The following ARFIP1 variants were observed in gnomAD, a reference collection of about 807,000 sequenced individuals.
ARFIP1 encodes ARF interacting protein 1, also known as arfaptin-1.
In ARFIP1, 24 loss-of-function variants were observed where a neutral mutation model predicts 42.5. The observed-to-expected ratio is 0.57, with a 90% CI of 0.41 to 0.80. The LOEUF (loss-of-function observed/expected upper bound fraction) is 0.80, where lower values mean the gene tolerates loss of function less well. ARFIP1 is among the 30% of genes least tolerant of loss of function. The pLI, the probability that ARFIP1 is intolerant of heterozygous loss-of-function variation, is 0.00. For synonymous variants in ARFIP1, 141 were observed against 153.7 expected (o/e 0.92, Z 0.61); for missense variants, 354 against 434.0 (o/e 0.82, Z 1.64).
chr4:152,841,500 G>T (rs557176566), intron 2 of ARFIP1, among the ~76,000 whole-genome samples: 4 of 152,170 alleles, frequency 2.6e-5, no homozygotes, highest in South Asian at 4.1e-4. Flanking sequence ...TATGATTTAT[G>T]CTTTAAAGAG....
chr4:152,793,503 C>G (rs1731254835), intron 1 of ARFIP1, among the ~76,000 whole-genome samples: 1 of 151,828 alleles, frequency 6.6e-6, no homozygotes, highest in South Asian at 2.1e-4. Flanking sequence ...ACCCACATAC[C>G]TGAAACTGTG....
chr4:152,860,373 AT>A (rs1733792406), intron 2 of ARFIP1, among the ~76,000 whole-genome samples: 1 of 151,930 alleles, frequency 6.6e-6, no homozygotes, highest in Admixed American at 6.5e-5. Flanking sequence ...GCTAGGTATT[AT>A]TTTTTTGAAA....
intron 2 of ARFIP1, among the ~76,000 whole-genome samples, chr4:152,852,546 T>C (rs1733079787): frequency 6.6e-6 from 1 of 152,070 alleles, no homozygotes; most frequent in South Asian, 2.1e-4. Flanking sequence ...GGCAGGAGAA[T>C]TGCTTGAACC....
chr4:152,790,953 A>T (rs534371572), intron 1 of ARFIP1, among the ~76,000 whole-genome samples: 1 of 151,062 alleles, frequency 6.6e-6, no homozygotes, highest in South Asian at 2.1e-4. Context: ...GCCCAGGCTG[A>T]TCTTGAACTC....
intron 1 of ARFIP1, among the ~76,000 whole-genome samples, chr4:152,817,485 G>A (rs1188863057): frequency 2.0e-5 from 3 of 152,106 alleles, no homozygotes; most frequent in Non-Finnish European, 2.9e-5. Flanking sequence ...AGACCTAAAT[G>A]TAGACCTAAG....
intron 2 of ARFIP1, 131 bp downstream of exon 2, chr4:152,829,857 T>C (rs897653429): frequency 1.9e-5 from 13 of 667,128 alleles, no homozygotes; most frequent in Non-Finnish European, 2.6e-5. Flanking sequence ...TCTAATGTTA[T>C]TATATAGGGA....
intron 1 of ARFIP1, among the ~76,000 whole-genome samples, chr4:152,816,799 C>A (rs1189896547): frequency 1.3e-5 from 2 of 152,182 alleles, no homozygotes; most frequent in Non-Finnish European, 2.9e-5. Flanking sequence ...CCATTCTAGC[C>A]AAGTTGCTTT....
At chr4:152,796,548 C>G in intron 1 of ARFIP1, 1 of 781,022 alleles carries the variant, frequency 1.3e-6, no homozygotes. Context: ...TACTTTAGCT[C>G]GAGATTGTCT....
At chr4:152,859,581 CCTTT>C (rs1190546270) in intron 2 of ARFIP1, among the ~76,000 whole-genome samples, 1 of 152,138 alleles carries the variant, frequency 6.6e-6, no homozygotes, top group East Asian at 1.9e-4. Context: ...TCTTTAGCAG[CCTTT>C]CTTTGTTTAT....
intron 2 of ARFIP1, among the ~76,000 whole-genome samples, chr4:152,857,407 A>G (rs1733532349): frequency 6.6e-6 from 1 of 152,222 alleles, no homozygotes; most frequent in Non-Finnish European, 1.5e-5. Context: ...TACATTTATC[A>G]TACATTACAG....
chr4:152,872,117 A>G (rs558750904), intron 4 of ARFIP1, among the ~76,000 whole-genome samples: 17 of 152,294 alleles, frequency 1.1e-4, no homozygotes, highest in African/African-American at 3.8e-4. Flanking sequence ...TCATTAGTGT[A>G]TAAAATTAGT....
At chr4:152,824,531 A>G (rs942686465) in intron 1 of ARFIP1, among the ~76,000 whole-genome samples, 2 of 152,206 alleles carry the variant, frequency 1.3e-5, no homozygotes, top group Middle Eastern at 3.2e-3. Context: ...TAGGCATAGA[A>G]GGAACATACC....
chr4:152,909,315 G>C (rs975563142), intron 8 of ARFIP1, among the ~76,000 whole-genome samples: 12 of 152,188 alleles, frequency 7.9e-5, no homozygotes, highest in African/African-American at 2.9e-4. Flanking sequence ...AACCCTGGAG[G>C]CAGAGGTTGC....
intron 2 of ARFIP1, among the ~76,000 whole-genome samples, chr4:152,856,156 A>G (rs761159490): frequency 2.6e-5 from 4 of 152,214 alleles, no homozygotes; most frequent in Non-Finnish European, 4.4e-5. Context: ...AGAATTATCT[A>G]TCATATGTAC....
chr4:152,857,009 A>C (rs960752192), intron 2 of ARFIP1, among the ~76,000 whole-genome samples: 2 of 152,240 alleles, frequency 1.3e-5, no homozygotes, highest in Non-Finnish European at 2.9e-5. Context: ...ATTGAAAACT[A>C]ACTGGGAAAG....
At chr4:152,877,805 T>C (rs1279856245) in intron 5 of ARFIP1, among the ~76,000 whole-genome samples, 2 of 152,194 alleles carry the variant, frequency 1.3e-5, no homozygotes, top group East Asian at 3.9e-4. Context: ...TCTCACAAGA[T>C]CTGATAGGTT....
At chr4:152,858,746 A>G (rs1733637621) in intron 2 of ARFIP1, among the ~76,000 whole-genome samples, 1 of 152,212 alleles carries the variant, frequency 6.6e-6, no homozygotes, top group Non-Finnish European at 1.5e-5. Context: ...CATGATGTAT[A>G]GTATAGTGAG....
intron 8 of ARFIP1, among the ~76,000 whole-genome samples, chr4:152,894,657 A>C (rs1199454959): frequency 2.0e-5 from 3 of 152,266 alleles, no homozygotes; most frequent in African/African-American, 7.2e-5. Context: ...GTCTGTAAGC[A>C]TAACAAGCAA....
At position 152,889,809 on chromosome 4, in the gene ARFIP1, CTA is replaced by C. The variant is rs1282524548; in HGVS notation, c.966+1511_966+1512del. Among the ~76,000 whole-genome samples, 234 of 107,182 alleles carry C rather than the reference CTA, an allele frequency of 2.2e-3. 3 individuals carry two copies. Among genetic ancestry groups the C allele is most frequent in the African/African-American group, 6.8e-3 (179 of 26,472 alleles). 70.3% of individuals were successfully genotyped at this position (107,182 alleles called of 152,430 possible). A position where few individuals can be genotyped will look rare whatever the true frequency, so the allele number is the denominator to read the frequency against. Reference sequence around the variant, plus strand: ...TATATATTATATACTATACTATATACTATATATATACTATATATACTATATAC... The same window carrying C: ...TATATATTATATACTATACTATATACTATATATACTATATATACTATATAC... On this transcript the variant is annotated intron_variant, in intron 8 of 8. Transcript: ENST00000353617.
Sources: allele counts gnomAD v4.1 joint callset (sites outside exome capture counted in the v4.1 genomes callset), GRCh38; gene constraint gnomAD v4.1.1; transcripts MANE v1.5; gene names NCBI Gene and HGNC (gene_info 2026-07-23, HGNC 2026-07-21).